The following ARHGEF7 variants were observed in gnomAD, a reference collection of about 807,000 sequenced individuals.
The protein encoded by ARHGEF7 is PAK-interacting exchange factor beta.
ARHGEF7 carries 33 observed loss-of-function variants against 109.8 expected under a neutral mutation model. That is an observed-to-expected ratio of 0.30 (90% CI 0.23 to 0.40). The LOEUF is 0.40. Ranked by LOEUF, ARHGEF7 falls within the 10% of genes least tolerant of loss-of-function variation. The pLI, the probability that ARHGEF7 is intolerant of heterozygous loss-of-function variation, is 1.00. For synonymous variants in ARHGEF7, 458 were observed against 424.6 expected, an observed-to-expected ratio of 1.08 and a Z score of -0.97; for missense variants, 938 against 1,098.5, an observed-to-expected ratio of 0.85 and a Z score of 2.07.
chr13:111,222,262 T>A (rs1289828662), intron 5 of ARHGEF7, among the ~76,000 whole-genome samples: 1 of 152,184 alleles, frequency 6.6e-6, no homozygotes, highest in Admixed American at 6.5e-5. Context: ...TTTTCCTGTT[T>A]ATTTTTTAAA....
At chr13:111,229,383 C>T (rs1594963183) in intron 5 of ARHGEF7, among the ~76,000 whole-genome samples, 1 of 152,320 alleles carries the variant, frequency 6.6e-6, no homozygotes, top group Admixed American at 6.5e-5. Flanking sequence ...ATTCCCTCCT[C>T]ACGGTGATAC....
At chr13:111,253,066 C>T (rs1182285187) in intron 8 of ARHGEF7, among the ~76,000 whole-genome samples, 2 of 152,236 alleles carry the variant, frequency 1.3e-5, no homozygotes, top group Admixed American at 1.3e-4. Context: ...GGGGGCAGGG[C>T]CCCTGCCTCA....
intron 1 of ARHGEF7, 154 bp from the exon 2 acceptor site, chr13:111,153,751 G>A: frequency 4.5e-6 from 6 of 1,345,190 alleles, no homozygotes; most frequent in Non-Finnish European, 4.7e-6. Context: ...GAGCGGGTTG[G>A]CATCTGGGGC....
At chr13:111,136,982 C>T (rs567992175) in intron 1 of ARHGEF7, among the ~76,000 whole-genome samples, 1 of 152,312 alleles carries the variant, frequency 6.6e-6, no homozygotes, top group South Asian at 2.1e-4. Flanking sequence ...CGCAAATAAA[C>T]TAGAAAATCT....
At chr13:111,280,012 A>C (rs1357287778) in intron 13 of ARHGEF7, among the ~76,000 whole-genome samples, 1 of 152,194 alleles carries the variant, frequency 6.6e-6, no homozygotes, top group Non-Finnish European at 1.5e-5. Flanking sequence ...GCAGCTCATC[A>C]GATACAGTGT....
At chr13:111,286,830 C>G (rs1421620191) in intron 17 of ARHGEF7, among the ~76,000 whole-genome samples, 3 of 152,194 alleles carry the variant, frequency 2.0e-5, no homozygotes, top group Admixed American at 2.0e-4. Flanking sequence ...AGTGATTTTC[C>G]TGGGGGTGAC....
chr13:111,197,615 TTTTGTCCTCACTTATA>T (rs759722839), intron 2 of ARHGEF7, among the ~76,000 whole-genome samples: 286 of 152,298 alleles, frequency 1.9e-3, no homozygotes, highest in Middle Eastern at 6.8e-3. Context: ...GAGTGATGCC[TTTTGTCCTCACTTATA>T]TGAATAGGAA....
At chr13:111,127,132 A>G (rs1001081586) in intron 1 of ARHGEF7, among the ~76,000 whole-genome samples, 5 of 152,242 alleles carry the variant, frequency 3.3e-5, no homozygotes, top group African/African-American at 1.2e-4. Context: ...ATATGAAAAC[A>G]TTGTTATGCC....
intron 1 of ARHGEF7, among the ~76,000 whole-genome samples, chr13:111,117,998 T>G (rs1054666846): frequency 2.6e-5 from 4 of 152,270 alleles, no homozygotes; most frequent in Admixed American, 2.6e-4. Context: ...ATTTGGAAAC[T>G]TAACTGAATG....
chr13:111,205,815 A>G (rs1404284157), intron 3 of ARHGEF7, among the ~76,000 whole-genome samples: 1 of 152,120 alleles, frequency 6.6e-6, no homozygotes, highest in Non-Finnish European at 1.5e-5. Context: ...CTACCTGTCC[A>G]GGGCTCCTGA....
intron 17 of ARHGEF7, 24 bp from the exon 18 acceptor site, chr13:111,288,330 G>T: frequency 6.3e-7 from 1 of 1,590,810 alleles, no homozygotes; most frequent in Non-Finnish European, 8.6e-7. Flanking sequence ...GTTCGACTGT[G>T]AACTGTTGCG....
At chr13:111,164,153 T>G (rs1439954915) in intron 2 of ARHGEF7, among the ~76,000 whole-genome samples, 3 of 152,224 alleles carry the variant, frequency 2.0e-5, no homozygotes, top group Admixed American at 1.3e-4. Context: ...GCATTTTCCT[T>G]GTACTGTTTT....
At position 111,283,247 on chromosome 13, in the gene ARHGEF7, C is replaced by A; in HGVS notation, c.1834C>A (p.His612Asn). ...LPHPSHHGTP[H>N]TTINWGPLEP... ...CCACCCCTCCCACCACGGCACCCCG[C>A]ACACCACCATCAACTGGGGACCCCT... is the stretch of plus-strand genomic sequence containing the variant. Residue 612 changes from histidine (H) to asparagine (N), a missense_variant, in exon 16 of 22, where the codon CAC (histidine) becomes AAC (asparagine). Physicochemically the swap from His to Asn is moderately conservative, Grantham distance 68 (BLOSUM62 1). Coordinates refer to ENST00000646102, the MANE Select transcript of ARHGEF7 (RefSeq NM_001354046.2). 2 of 1,587,904 alleles carry A rather than the reference C, an allele frequency of 1.3e-6. No individual in the cohort carries two copies. The highest frequency in any genetic ancestry group is 1.8e-5 in the Admixed American group (1 of 56,818).
At chr13:111,248,641 C>T (rs930541623) in intron 8 of ARHGEF7, among the ~76,000 whole-genome samples, 41 of 152,156 alleles carry the variant, frequency 2.7e-4, no homozygotes, top group Middle Eastern at 3.4e-3. Context: ...TGTTCGTCCC[C>T]GTGCAACAAG....
At chr13:111,127,421 G>A (rs910660683) in intron 1 of ARHGEF7, among the ~76,000 whole-genome samples, 11 of 152,006 alleles carry the variant, frequency 7.2e-5, no homozygotes, top group African/African-American at 1.9e-4. Context: ...CATTTTAGGA[G>A]GGAGGATTGC....
At chr13:111,218,019 T>C in intron 5 of ARHGEF7, 139 bp downstream of exon 5, 16 of 867,896 alleles carry the variant, frequency 1.8e-5, no homozygotes, top group Non-Finnish European at 2.7e-5. Context: ...TTAGATGTAA[T>C]GGATTTTCAC....
Position 111,278,818 on chromosome 13 carries a change from C to T in ARHGEF7, c.1506+1145C>T, listed in dbSNP as rs769751132. Reference sequence around the variant, plus strand: ...TCCAGTGGCTGGAGGCAGGGGCCTTCTCTAACCTAAGGAGAGAAGAGGTTG... The same window carrying T: ...TCCAGTGGCTGGAGGCAGGGGCCTTTTCTAACCTAAGGAGAGAAGAGGTTG... On this transcript the variant is annotated intron_variant, in intron 13 of 21. Transcript: ENST00000646102. 3.3e-5 allele frequency among the ~76,000 whole-genome samples: 5 copies of T among 152,340 alleles called. No homozygotes were observed. In the East Asian group the frequency reaches 9.6e-4, roughly 29 times the overall value.
chr13:111,221,863 C>T (rs1481538994), intron 5 of ARHGEF7, among the ~76,000 whole-genome samples: 1 of 151,902 alleles, frequency 6.6e-6, no homozygotes, highest in East Asian at 1.9e-4. Context: ...CAAGGTCCCA[C>T]GATAGGCCAT....
rs1214429323 is a variant in ARHGEF7 at position 111,272,054 on chromosome 13, C to T, written c.1074-1760C>T. Among the ~76,000 whole-genome samples, 2 of 152,170 alleles carry T rather than the reference C, an allele frequency of 1.3e-5. No homozygotes were observed. Among genetic ancestry groups the T allele is most frequent in the East Asian group, 1.9e-4 (1 of 5,202 alleles). ...TAAGTGGCCTTCTCAGAAGGTCTTA[C>T]GTGCTTAGGAAGTGGAAGGCTGGTT... On this transcript the variant is annotated intron_variant, in intron 9 of 21. Coordinates refer to ENST00000646102, the MANE Select transcript of ARHGEF7 (RefSeq NM_001354046.2). This position sits in a 1 kb window ranked among gnomAD's most constrained non-coding sequence, Gnocchi z 5.2.
Sources: allele counts gnomAD v4.1 joint callset (sites outside exome capture counted in the v4.1 genomes callset), GRCh38; gene constraint gnomAD v4.1.1; non-coding constraint Gnocchi (gnomAD v3.1); transcripts MANE v1.5; gene names NCBI Gene and HGNC (gene_info 2026-07-23, HGNC 2026-07-21).